Variants in SLIT2 observed in about 807,000 individuals in gnomAD.
The protein encoded by SLIT2 is slit guidance ligand 2.
SLIT2 carries 41 observed loss-of-function variants against 185.7 expected under a neutral mutation model. The observed-to-expected ratio is 0.22, with a 90% confidence interval of 0.17 to 0.29. The LOEUF is 0.29. SLIT2 is among the 10% of genes least tolerant of loss of function. The pLI is 1.00. For synonymous variants in SLIT2, 693 were observed against 680.2 expected (o/e 1.02, Z -0.29); for missense variants, 1,571 against 1,909.0 (o/e 0.82, Z 3.30).
chr4:20,501,964 A>C (rs538479146), intron 9 of SLIT2, among the ~76,000 whole-genome samples: 1 of 152,286 alleles, frequency 6.6e-6, no homozygotes, highest in African/African-American at 2.4e-5. Context: ...AAAATTCTTC[A>C]TTTATATTTT....
intron 9 of SLIT2, among the ~76,000 whole-genome samples, chr4:20,495,235 A>AT (rs912933337): frequency 2.6e-5 from 4 of 152,344 alleles, no homozygotes; most frequent in African/African-American, 7.2e-5. Context: ...GAAAAAGACA[A>AT]TTGTTGCTCT....
intron 4 of SLIT2, among the ~76,000 whole-genome samples, chr4:20,291,469 TATATATATATATATATATATA>T (rs1715834281): frequency 8.2e-4 from 7 of 8,544 alleles, no homozygotes; most frequent in Non-Finnish European, 2.1e-3. Flanking sequence ...TATATATATA[TATATATATATATATATATATA>T]TATTTTTTTT....
At chr4:20,438,605 A>G (rs1010907257) in intron 4 of SLIT2, among the ~76,000 whole-genome samples, 2 of 152,132 alleles carry the variant, frequency 1.3e-5, no homozygotes, top group African/African-American at 2.4e-5. Flanking sequence ...ATCAGCCTTC[A>G]AGCAGCCTAC....
intron 5 of SLIT2, among the ~76,000 whole-genome samples, chr4:20,474,524 T>A (rs900358077): frequency 4.6e-5 from 7 of 152,084 alleles, no homozygotes; most frequent in Non-Finnish European, 8.8e-5. Flanking sequence ...CATAAATGCC[T>A]TCTAGAACAA....
chr4:20,361,359 A>G (rs1173825959), intron 4 of SLIT2, among the ~76,000 whole-genome samples: 1 of 152,116 alleles, frequency 6.6e-6, no homozygotes, highest in African/African-American at 2.4e-5. Context: ...TAATTTTTTT[A>G]GCTTTAAATA....
At chr4:20,455,935 A>AT (rs1050788837) in intron 4 of SLIT2, among the ~76,000 whole-genome samples, 1 of 152,106 alleles carries the variant, frequency 6.6e-6, no homozygotes, top group African/African-American at 2.4e-5. Flanking sequence ...AGTTGAACAC[A>AT]TTTTTTATCA....
At chr4:20,406,550 G>C (rs865859665) in intron 4 of SLIT2, among the ~76,000 whole-genome samples, 2 of 143,816 alleles carry the variant, frequency 1.4e-5, no homozygotes, top group African/African-American at 4.9e-5. Context: ...ACATTAAAAA[G>C]TGCTCAACAT....
intron 3 of SLIT2, among the ~76,000 whole-genome samples, chr4:20,264,330 G>A (rs1712801960): frequency 6.6e-6 from 1 of 151,752 alleles, no homozygotes; most frequent in South Asian, 2.1e-4. Context: ...AGGAGAAATA[G>A]GAGGTTAGAA....
chr4:20,260,986 A>G (rs1359771789), intron 3 of SLIT2, among the ~76,000 whole-genome samples: 1 of 151,544 alleles, frequency 6.6e-6, no homozygotes, highest in African/African-American at 2.4e-5. Context: ...GAGATAACAC[A>G]TCATTGTCAG....
intron 9 of SLIT2, 107 bp from the exon 10 acceptor site, chr4:20,510,388 C>T (rs1029352449): frequency 2.6e-5 from 20 of 768,800 alleles, no homozygotes; most frequent in Middle Eastern, 4.7e-4. Context: ...AAATATATCA[C>T]TCATGAAGAA....
chr4:20,549,356 T>A (rs949359845), intron 24 of SLIT2, among the ~76,000 whole-genome samples: 1 of 152,176 alleles, frequency 6.6e-6, no homozygotes, highest in African/African-American at 2.4e-5. Flanking sequence ...GTTGTTATAG[T>A]CATTTATTTG....
intron 5 of SLIT2, among the ~76,000 whole-genome samples, chr4:20,468,604 A>G (rs1714625980): frequency 6.6e-6 from 1 of 152,098 alleles, no homozygotes; most frequent in Non-Finnish European, 1.5e-5. Flanking sequence ...TCATAATATC[A>G]ATATCTCTCT....
chr4:20,306,869 A>G (rs977705618), intron 4 of SLIT2, among the ~76,000 whole-genome samples: 1 of 152,160 alleles, frequency 6.6e-6, no homozygotes, highest in Non-Finnish European at 1.5e-5. Flanking sequence ...CATTCTCCAT[A>G]GCAGTATCCA....
intron 4 of SLIT2, among the ~76,000 whole-genome samples, chr4:20,429,244 A>G (rs1351836137): frequency 6.6e-6 from 1 of 152,166 alleles, no homozygotes; most frequent in Non-Finnish European, 1.5e-5. Context: ...TGCTTGATTC[A>G]TAATCAAGGC....
At chr4:20,413,810 G>A (rs1431036726) in intron 4 of SLIT2, among the ~76,000 whole-genome samples, 1 of 151,800 alleles carries the variant, frequency 6.6e-6, no homozygotes, top group Non-Finnish European at 1.5e-5. Context: ...TGAATTTGAA[G>A]TTAGTATCTT....
chr4:20,262,306 G>A (rs892580512), intron 3 of SLIT2, among the ~76,000 whole-genome samples: 5 of 151,748 alleles, frequency 3.3e-5, no homozygotes, highest in African/African-American at 9.7e-5. Context: ...TGAGGCTGAG[G>A]AAGTATGATG....
chr4:20,484,682 C>T lies in SLIT2; in HGVS notation c.540-1518C>T, dbSNP rs1011415688. Among the ~76,000 whole-genome samples the T allele has an allele frequency of 7.9e-5, 12 of 152,076 alleles. No individual in the cohort carries two copies. The highest frequency in any genetic ancestry group is 2.0e-4 in the Admixed American group (3 of 15,258). ...ATATTTTGTGTAGCTCAAACATAAG[C>T]GGTCTACAGACTGTTTGAAATGTTT... On this transcript the variant is annotated intron_variant, in intron 6 of 36. Transcript: ENST00000504154. The surrounding 1 kb of genome is among the most constrained non-coding windows in gnomAD (Gnocchi z 4.3).
chr4:20,324,470 G>T (rs1460277424), intron 4 of SLIT2, among the ~76,000 whole-genome samples: 4 of 152,092 alleles, frequency 2.6e-5, no homozygotes, highest in Admixed American at 1.3e-4. Flanking sequence ...TTAAAGTAAC[G>T]GAATGATGTA....
intron 4 of SLIT2, among the ~76,000 whole-genome samples, chr4:20,371,340 A>T (rs938324686): frequency 6.6e-6 from 1 of 151,870 alleles, no homozygotes; most frequent in African/African-American, 2.4e-5. Flanking sequence ...ATACCACTCC[A>T]CCACACACAC....
Sources: allele counts gnomAD v4.1 joint callset (sites outside exome capture counted in the v4.1 genomes callset), GRCh38; gene constraint gnomAD v4.1.1; non-coding constraint Gnocchi (gnomAD v3.1); transcripts MANE v1.5; gene names NCBI Gene and HGNC (gene_info 2026-07-23, HGNC 2026-07-21).